Variants in CSNK1A1 observed in about 807,000 individuals in gnomAD.
CSNK1A1 encodes casein kinase 1 alpha 1.
CSNK1A1 carries 7 observed loss-of-function variants against 46.1 expected under a neutral mutation model. The observed-to-expected ratio is 0.15, with a 90% confidence interval of 0.09 to 0.29. The LOEUF (loss-of-function observed/expected upper bound fraction) is 0.29, where lower values mean the gene tolerates loss of function less well. Among genes scored for constraint, CSNK1A1 ranks in the 10% least tolerant of loss-of-function variants. CSNK1A1 has a pLI of 1.00. For synonymous variants in CSNK1A1, 137 were observed against 141.5 expected (o/e 0.97, Z 0.23); for missense variants, 96 against 417.1 (o/e 0.23, Z 6.71).
At chr5:149,542,630 A>ACATGTATG (rs1762302572) in intron 2 of CSNK1A1, among the ~76,000 whole-genome samples, 2 of 10,958 alleles carry the variant, frequency 1.8e-4, no homozygotes, top group African/African-American at 5.6e-4. Flanking sequence ...ATATATATAT[A>ACATGTATG]TATATATATG....
At chr5:149,499,369 T>A in intron 9 of CSNK1A1, 3 of 594,140 alleles carry the variant, frequency 5.0e-6, no homozygotes, top group Non-Finnish European at 6.3e-6. Context: ...GTTAATAGCT[T>A]AATTAAATTT....
At chr5:149,512,415 G>T (rs534692782) in intron 5 of CSNK1A1, among the ~76,000 whole-genome samples, 1 of 152,028 alleles carries the variant, frequency 6.6e-6, no homozygotes, top group Non-Finnish European at 1.5e-5. Context: ...TATTTCTTAA[G>T]CCTGAAATTC....
At chr5:149,501,761 A>G (rs1279957031) in intron 9 of CSNK1A1, 2 of 984,994 alleles carry the variant, frequency 2.0e-6, no homozygotes, top group Non-Finnish European at 2.4e-6. Flanking sequence ...AGAAACACTG[A>G]ACTTCATTAG....
intron 2 of CSNK1A1, among the ~76,000 whole-genome samples, chr5:149,544,954 T>C (rs1762425438): frequency 6.6e-6 from 1 of 150,862 alleles, no homozygotes; most frequent in Non-Finnish European, 1.5e-5. Flanking sequence ...TGGCCATCAC[T>C]GTGAAACCCC....
At chr5:149,507,942 C>G (rs1365472480) in intron 7 of CSNK1A1, among the ~76,000 whole-genome samples, 2 of 152,108 alleles carry the variant, frequency 1.3e-5, no homozygotes, top group Non-Finnish European at 2.9e-5. Context: ...AGGAAAGATT[C>G]TCAACAATGT....
intron 2 of CSNK1A1, among the ~76,000 whole-genome samples, chr5:149,546,146 C>T (rs1213439835): frequency 1.3e-5 from 2 of 151,540 alleles, no homozygotes; most frequent in Non-Finnish European, 2.9e-5. Flanking sequence ...AGGCAATCTG[C>T]CCACCTCGGC....
At chr5:149,505,175 T>C in intron 9 of CSNK1A1, 1 of 1,094,146 alleles carries the variant, frequency 9.1e-7, no homozygotes, top group Non-Finnish European at 1.1e-6. Context: ...AAAGATGCAG[T>C]TGTTAAAAAA....
Position 149,529,444 on chromosome 5 carries a change from T to G in CSNK1A1, c.231-4273A>C, listed in dbSNP as rs76433281. On this transcript the variant is annotated intron_variant, in intron 2 of 9. Coordinates refer to ENST00000377843, the MANE Select transcript of CSNK1A1 (RefSeq NM_001892.6). ...AAAAGCACAAATGTAAGACAATACA[T>G]GCAAAAGTCAATGAGGCTGACAAAA... 0.016 allele frequency among the ~76,000 whole-genome samples: 2,470 copies of G among 152,284 alleles called. 272 individuals carry two copies. In the East Asian group the frequency reaches 0.32, roughly 19 times the overall value.
intron 4 of CSNK1A1, among the ~76,000 whole-genome samples, chr5:149,516,215 G>A (rs959074009): frequency 6.6e-6 from 1 of 152,102 alleles, no homozygotes; most frequent in Non-Finnish European, 1.5e-5. Flanking sequence ...AGCTATTCGG[G>A]AGGCTGAGAC....
At chr5:149,499,494 G>T (rs1760756301) in intron 9 of CSNK1A1, among the ~76,000 whole-genome samples, 1 of 152,118 alleles carries the variant, frequency 6.6e-6, no homozygotes, top group Non-Finnish European at 1.5e-5. Context: ...AGACGAGGTG[G>T]CTCACATCTA....
chr5:149,507,004 C>A (rs1226672001), intron 8 of CSNK1A1, 23 bp downstream of exon 8: 2 of 1,574,468 alleles, frequency 1.3e-6, no homozygotes, highest in African/African-American at 2.7e-5. Flanking sequence ...AGTTTATAAT[C>A]TTAAAATACC....
chr5:149,496,903 C>A, intron 9 of CSNK1A1, 43 bp from the exon 10 acceptor site: 2 of 1,528,820 alleles, frequency 1.3e-6, no homozygotes, highest in South Asian at 1.2e-5. Context: ...AATTCCAAGT[C>A]AAAAATTTTA....
chr5:149,494,040 G>A lies in CSNK1A1; in HGVS notation c.*2813C>T, dbSNP rs147567624. ...TTCCCATGACTCATTCTAGTCAAAA[G>A]CTATAAGAACATATTCCTTAATAGT... On this transcript the variant is annotated 3_prime_UTR_variant, in exon 10 of 10. Transcript: ENST00000377843. 1.1e-3 allele frequency: 165 copies of A among 152,288 alleles called. 1 individual carries two copies. The East Asian group carries it at 0.03, about 28-fold the overall frequency. 9.4% of individuals were successfully genotyped at this position (152,288 alleles called of 1,614,324 possible).
At chr5:149,506,520 A>C (rs1269990859) in intron 8 of CSNK1A1, among the ~76,000 whole-genome samples, 1 of 152,182 alleles carries the variant, frequency 6.6e-6, no homozygotes, top group Non-Finnish European at 1.5e-5. Flanking sequence ...TACAGGCGTG[A>C]GCCACCGTAC....
In CSNK1A1 at chr5:149,517,268, A is replaced by G. The variant is rs1761431167; in HGVS notation, c.456+3022T>C. Among the ~76,000 whole-genome samples the G allele has an allele frequency of 1.3e-5, 2 of 152,192 alleles. No homozygotes were observed. The highest frequency in any genetic ancestry group is 2.9e-5 in the Non-Finnish European group (2 of 68,030). On this transcript the variant is annotated intron_variant, in intron 4 of 9. Transcript: ENST00000377843. This position sits in a 1 kb window ranked among gnomAD's most constrained non-coding sequence, Gnocchi z 4.4. Reference sequence around the variant, plus strand: ...AATGCTCTGTAAATATCCATTTGCTAGAAGTTGAGAATACAGACTGAGGAA... The same window carrying G: ...AATGCTCTGTAAATATCCATTTGCTGGAAGTTGAGAATACAGACTGAGGAA...
chr5:149,528,314 T>C (rs1003930473), intron 2 of CSNK1A1, among the ~76,000 whole-genome samples: 3 of 152,228 alleles, frequency 2.0e-5, no homozygotes, highest in African/African-American at 7.2e-5. Flanking sequence ...GGAGCAACCA[T>C]GCAGTTCTAA....
At chr5:149,505,267 G>A (rs1760987021) in intron 9 of CSNK1A1, 180 bp downstream of exon 9, 2 of 1,395,974 alleles carry the variant, frequency 1.4e-6, no homozygotes, top group Non-Finnish European at 1.9e-6. Context: ...ATATGAACAA[G>A]GACATTTGGG....
At chr5:149,545,226 A>C (rs1161952057) in intron 2 of CSNK1A1, among the ~76,000 whole-genome samples, 6 of 152,050 alleles carry the variant, frequency 3.9e-5, no homozygotes, top group Non-Finnish European at 7.4e-5. Flanking sequence ...GAGCTCTCAC[A>C]TATTAATTGA....
chr5:149,503,879 T>C (rs1760949551), intron 9 of CSNK1A1: 5 of 985,458 alleles, frequency 5.1e-6, no homozygotes, highest in Non-Finnish European at 6.0e-6. Flanking sequence ...AAACTGCAAC[T>C]TGTGATGATC....
Sources: gnomAD v4.1 joint callset for allele counts (sites outside exome capture counted in the v4.1 genomes callset) on GRCh38, gnomAD v4.1.1 for gene constraint, Gnocchi (gnomAD v3.1) non-coding constraint, MANE v1.5 for transcripts, NCBI Gene and HGNC (gene_info 2026-07-23, HGNC 2026-07-21) for gene names.